PCDHGB3: variants seen among roughly 807,000 people sequenced by gnomAD.
The protein encoded by PCDHGB3 is protocadherin gamma subfamily B, 3.
Under a neutral mutation model 59.2 loss-of-function variants are expected in PCDHGB3, and 40 were observed. The observed-to-expected ratio is 0.68, with a 90% CI of 0.52 to 0.88. PCDHGB3 has a LOEUF of 0.88. Ranked by LOEUF, PCDHGB3 falls within the 40% of genes least tolerant of loss-of-function variation. PCDHGB3 has a pLI of 0.00. For missense variants in PCDHGB3, 1,309 were observed against 1,187.9 expected, an observed-to-expected ratio of 1.10 and a Z score of -1.50; for synonymous variants, 581 against 503.6, an observed-to-expected ratio of 1.15 and a Z score of -2.06.
At chr5:141,501,997 C>A (rs2099812238) in intron 2 of PCDHGB3, among the ~76,000 whole-genome samples, 1 of 152,128 alleles carries the variant, frequency 6.6e-6, no homozygotes, top group Non-Finnish European at 1.5e-5. Context: ...GTCTCCCTGA[C>A]AACCCGCATG....
Position 141,487,315 on chromosome 5 carries a change from G to C in PCDHGB3, c.2416-7492G>C, listed in dbSNP as rs568326280. On this transcript the variant is annotated intron_variant, in intron 1 of 3. Transcript: ENST00000576222. The surrounding 1 kb of genome is among the most constrained non-coding windows in gnomAD (Gnocchi z 5.0). ...GCTCATTCGTGGCACTACTCTCTAA[G>C]TGTCTTCGTGGGGCAGCCTGTGGAG... 6.2e-7 allele frequency: 1 copy of C among 1,614,166 alleles called. No individual in the cohort carries two copies. Among genetic ancestry groups the C allele is most frequent in the Admixed American group, 1.7e-5 (1 of 60,028 alleles).
At position 141,490,346 on chromosome 5, in the gene PCDHGB3, T is replaced by G. The variant is rs1396321935; in HGVS notation, c.2416-4461T>G. 1.2e-6 allele frequency: 2 copies of G among 1,614,046 alleles called. No individual in the cohort carries two copies. Among genetic ancestry groups the G allele is most frequent in the African/African-American group, 2.7e-5 (2 of 74,900 alleles). ...GAGAGCACACCAGTGGGCACAGTAG[T>G]GGGGTTGTTTAATGTGCGAGACCGG... On this transcript the variant is annotated intron_variant, in intron 1 of 3. Coordinates refer to ENST00000576222, the MANE Select transcript of PCDHGB3 (RefSeq NM_018924.5). This position sits in a 1 kb window ranked among gnomAD's most constrained non-coding sequence, Gnocchi z 5.4.
rs984222446 is a variant in PCDHGB3 at position 141,493,942 on chromosome 5, G to T, written c.2416-865G>T. ...ACACACCCCCTGGAAAGACCAGAAG[G>T]GACTCAGGAATGAAGTGGCTGGCCA... On this transcript the variant is annotated intron_variant, in intron 1 of 3. Transcript: ENST00000576222. The surrounding 1 kb of genome is among the most constrained non-coding windows in gnomAD (Gnocchi z 4.3). Among the ~76,000 whole-genome samples the T allele has an allele frequency of 1.3e-5, 2 of 152,168 alleles. No individual in the cohort carries two copies. Among genetic ancestry groups the T allele is most frequent in the Non-Finnish European group, 1.5e-5 (1 of 68,022 alleles).
At position 141,417,952 on chromosome 5, in the gene PCDHGB3, G is replaced by C. The variant is rs766243694; in HGVS notation, c.2415+45143G>C. 10 of 1,613,510 alleles carry C rather than the reference G, an allele frequency of 6.2e-6. No individual in the cohort carries two copies. In the African/African-American group the frequency reaches 1.3e-4, roughly 22 times the overall value. On this transcript the variant is annotated intron_variant, in intron 1 of 3. Coordinates refer to ENST00000576222, the MANE Select transcript of PCDHGB3 (RefSeq NM_018924.5). ...CTTTGTTCTACCCCACGCTGTGTGA[G>C]CCGATCCGCTACTCGATTCCGGAGG...
At position 141,485,074 on chromosome 5, in the gene PCDHGB3, G is replaced by T. The variant is rs2099606548; in HGVS notation, c.2416-9733G>T. On this transcript the variant is annotated intron_variant, in intron 1 of 3. Transcript: ENST00000576222. The surrounding 1 kb of genome is among the most constrained non-coding windows in gnomAD (Gnocchi z 5.7). ...GGCCGAACCGCGCCAGAGCTGGCGCGGGGAAAGGGAGATAGGTGTCTCCAG... is the reference window on the plus strand; with the variant it reads ...GGCCGAACCGCGCCAGAGCTGGCGCTGGGAAAGGGAGATAGGTGTCTCCAG... The T allele has an allele frequency of 2.2e-6, 2 of 926,946 alleles. No homozygotes were observed. The highest frequency in any genetic ancestry group is 3.4e-6 in the Non-Finnish European group (2 of 596,630). 57.4% of individuals were successfully genotyped at this position (926,946 alleles called of 1,614,324 possible). A position where few individuals can be genotyped will look rare whatever the true frequency, so the allele number is the denominator to read the frequency against.
In PCDHGB3 at chr5:141,405,345, A is replaced by G. The variant is rs758657243; in HGVS notation, c.2415+32536A>G. 3 of 1,613,944 alleles carry G rather than the reference A, an allele frequency of 1.9e-6. No homozygotes were observed. In the South Asian group the frequency reaches 3.3e-5, roughly 18 times the overall value. On this transcript the variant is annotated intron_variant, in intron 1 of 3. Coordinates refer to ENST00000576222, the MANE Select transcript of PCDHGB3 (RefSeq NM_018924.5). ...CCTTTGTGCGTCTCTGTTGATTCCA[A>G]GTTTCCTATAGAAGACACCCCTTTG...
At position 141,490,132 on chromosome 5, in the gene PCDHGB3, A is replaced by C. The variant is rs1245562757; in HGVS notation, c.2416-4675A>C. On this transcript the variant is annotated intron_variant, in intron 1 of 3. Coordinates refer to ENST00000576222, the MANE Select transcript of PCDHGB3 (RefSeq NM_018924.5). This position sits in a 1 kb window ranked among gnomAD's most constrained non-coding sequence, Gnocchi z 5.4. ...GCGGAACCTCTTTGGCCTAGACCCT[A>C]GCAGTGGGGCAATCCATGTGTTGGG... 6.2e-7 allele frequency: 1 copy of C among 1,614,220 alleles called. No individual in the cohort carries two copies. Among genetic ancestry groups the C allele is most frequent in the South Asian group, 1.1e-5 (1 of 91,088 alleles).
intron 1 of PCDHGB3, among the ~76,000 whole-genome samples, chr5:141,492,437 C>T (rs182333697): frequency 8.5e-5 from 13 of 152,332 alleles, no homozygotes; most frequent in Admixed American, 8.5e-4. Flanking sequence ...CAGGAGTACT[C>T]GTAGCTGATT....
intron 1 of PCDHGB3, chr5:141,423,694 T>C (rs1008861889): frequency 1.3e-6 from 2 of 1,501,552 alleles, no homozygotes; most frequent in Middle Eastern, 1.8e-4. Flanking sequence ...TAATTGTTGG[T>C]GTCTTGGCAC....
At position 141,489,302 on chromosome 5, in the gene PCDHGB3, T is replaced by C. The variant is rs1258736404; in HGVS notation, c.2416-5505T>C. 2 of 1,586,886 alleles carry C rather than the reference T, an allele frequency of 1.3e-6. No homozygotes were observed. The highest frequency in any genetic ancestry group is 2.3e-5 in the South Asian group (2 of 85,378). ...TGGCAAGTGCTGTGCATGTTGTCCT[T>C]GTGCTGCTGGGGCTGGGTGTCTGGG... On this transcript the variant is annotated intron_variant, in intron 1 of 3. Transcript: ENST00000576222. The surrounding 1 kb of genome is among the most constrained non-coding windows in gnomAD (Gnocchi z 4.5).
At chr5:141,404,391 A>C (rs773558298) in intron 1 of PCDHGB3, 1 of 1,613,924 alleles carries the variant, frequency 6.2e-7, no homozygotes, top group South Asian at 1.1e-5. Context: ...TATGACCCTG[A>C]TAGCAATGAG....
rs371490086 is a variant in PCDHGB3, at chr5:141,405,329, G to T, written c.2415+32520G>T. 3 of 1,614,168 alleles carry T rather than the reference G, an allele frequency of 1.9e-6. No individual in the cohort carries two copies. Among genetic ancestry groups the T allele is most frequent in the Non-Finnish European group, 2.5e-6 (3 of 1,180,010 alleles). On this transcript the variant is annotated intron_variant, in intron 1 of 3. Coordinates refer to ENST00000576222, the MANE Select transcript of PCDHGB3 (RefSeq NM_018924.5). The stretch of plus-strand genomic sequence containing the variant: ...CTGTGAGAAAAATGAGCCTTTGTGC[G>T]TCTCTGTTGATTCCAAGTTTCCTAT...
At chr5:141,510,824 A>G (rs947400590) in intron 3 of PCDHGB3, 123 bp from the exon 4 acceptor site, 2 of 1,563,416 alleles carry the variant, frequency 1.3e-6, no homozygotes, top group Non-Finnish European at 1.7e-6. Flanking sequence ...CTATATTCCC[A>G]GTGCTCAGCG....
intron 1 of PCDHGB3, chr5:141,389,915 C>T (rs371220204): frequency 2.2e-5 from 36 of 1,613,944 alleles, no homozygotes; most frequent in Non-Finnish European, 4.2e-6. Context: ...CTGACCGCCC[C>T]GACCCCTCTG....
intron 1 of PCDHGB3, among the ~76,000 whole-genome samples, chr5:141,402,262 TA>T (rs1248031439): frequency 6.6e-6 from 1 of 151,912 alleles, no homozygotes; most frequent in Non-Finnish European, 1.5e-5. Context: ...CCCCAGAAAA[TA>T]ATTTCAAAGT....
chr5:141,390,186 A>G (rs760464699), intron 1 of PCDHGB3: 1 of 1,614,048 alleles, frequency 6.2e-7, no homozygotes, highest in East Asian at 2.2e-5. Flanking sequence ...CCTAAAATGT[A>G]GTGAGCAGTT....
At chr5:141,459,315 T>C (rs2154566534) in intron 1 of PCDHGB3, among the ~76,000 whole-genome samples, 1 of 152,362 alleles carries the variant, frequency 6.6e-6, no homozygotes, top group East Asian at 1.9e-4. Context: ...CTATTTTGTA[T>C]CCATCTTCTT....
intron 1 of PCDHGB3, among the ~76,000 whole-genome samples, chr5:141,453,293 T>TTATG: frequency 6.6e-6 from 1 of 151,872 alleles, no homozygotes; most frequent in Non-Finnish European, 1.5e-5. Flanking sequence ...TTTTAATTAT[T>TTATG]TATTTATTTA....
chr5:141,405,648 G>A (rs936380418), intron 1 of PCDHGB3: 3 of 523,734 alleles, frequency 5.7e-6, no homozygotes, highest in East Asian at 3.2e-5. Flanking sequence ...CTAATTTTTT[G>A]TGTGTTTTTA....
Sources: allele counts gnomAD v4.1 joint callset (sites outside exome capture counted in the v4.1 genomes callset), GRCh38; gene constraint gnomAD v4.1.1; non-coding constraint Gnocchi (gnomAD v3.1); transcripts MANE v1.5; gene names NCBI Gene and HGNC (gene_info 2026-07-23, HGNC 2026-07-21).